The following MALRD1 variants were observed in gnomAD, a reference collection of about 807,000 sequenced individuals.
MALRD1 encodes the protein MAM and LDL receptor class A domain containing 1, also known as MAM and LDL-receptor class A domain-containing protein 1.
Under a neutral mutation model 242.1 loss-of-function variants are expected in MALRD1, and 247 were observed. That is an observed-to-expected ratio of 1.02 (90% CI 0.92 to 1.13). The LOEUF is 1.13. Ranked by LOEUF, MALRD1 falls within the 50% of genes most tolerant of loss-of-function variation. The pLI, the probability that MALRD1 is intolerant of heterozygous loss-of-function variation, is 0.00. For missense variants in MALRD1, 2,989 were observed against 2,533.1 expected, an observed-to-expected ratio of 1.18 and a Z score of -3.86; for synonymous variants, 995 against 866.6, an observed-to-expected ratio of 1.15 and a Z score of -2.60.
At chr10:19,651,239 A>C (rs998878254) in intron 36 of MALRD1, among the ~76,000 whole-genome samples, 1 of 152,336 alleles carries the variant, frequency 6.6e-6, no homozygotes, top group East Asian at 1.9e-4. Flanking sequence ...ACTGAAGATT[A>C]GTTAGTAAAA....
At chr10:19,339,694 C>T (rs953172127) in intron 24 of MALRD1, among the ~76,000 whole-genome samples, 4 of 152,110 alleles carry the variant, frequency 2.6e-5, no homozygotes, top group African/African-American at 9.7e-5. Context: ...CATTTAAAAA[C>T]CATTTCTTAT....
chr10:19,682,772 CAG>C lies in MALRD1; in HGVS notation c.6138-9507_6138-9506del. Among the ~76,000 whole-genome samples, 3 of 152,310 alleles carry C rather than the reference CAG, an allele frequency of 2.0e-5. 1 individual carries two copies. Among genetic ancestry groups the C allele is most frequent in the African/African-American group, 2.4e-5 (1 of 41,568 alleles). On this transcript the variant is annotated intron_variant, in intron 36 of 39. Transcript: ENST00000454679. Reference sequence around the variant, plus strand: ...TTACCTCAATTTCCCCTTCTGCTGACAGAGGCTCAGCATATGGCCCAGAAAAC... The same window carrying C: ...TTACCTCAATTTCCCCTTCTGCTGACAGGCTCAGCATATGGCCCAGAAAAC...
At chr10:19,143,007 C>T (rs1833604627) in intron 10 of MALRD1, among the ~76,000 whole-genome samples, 1 of 152,214 alleles carries the variant, frequency 6.6e-6, no homozygotes, top group South Asian at 2.1e-4. Flanking sequence ...AATCAATTCA[C>T]CAAGGTTCTT....
intron 18 of MALRD1, among the ~76,000 whole-genome samples, chr10:19,249,430 A>G (rs9665663): frequency 0.2 from 29,994 of 151,640 alleles, 3,392 homozygotes; most frequent in African/African-American, 0.31. Flanking sequence ...TTTGATAATT[A>G]TATGTCATGT....
chr10:19,595,801 A>G (rs1196951947), intron 34 of MALRD1, among the ~76,000 whole-genome samples: 1 of 152,166 alleles, frequency 6.6e-6, no homozygotes, highest in Non-Finnish European at 1.5e-5. Context: ...CCTACCATAA[A>G]GGTTCATGAA....
At chr10:19,173,859 G>A (rs1449019231) in intron 13 of MALRD1, among the ~76,000 whole-genome samples, 1 of 152,122 alleles carries the variant, frequency 6.6e-6, no homozygotes, top group African/African-American at 2.4e-5. Flanking sequence ...CATTTATGAT[G>A]TAGGGTAGTG....
rs550902539 is a variant in MALRD1 at position 19,584,730 on chromosome 10, G to T, written c.5681-10464G>T. On this transcript the variant is annotated intron_variant, in intron 33 of 39. Transcript: ENST00000454679. ...ATTTGGGGTGGAGAGTTCTGTAGAT[G>T]TCTATTAGGTCCACTTGGTGCAGAG... Among the ~76,000 whole-genome samples, 536 of 152,136 alleles carry T rather than the reference G, an allele frequency of 3.5e-3. 2 individuals are homozygous for T. The highest frequency in any genetic ancestry group is 5.5e-3 in the Non-Finnish European group (372 of 67,974).
At chr10:19,271,439 TG>T (rs1468606846) in intron 19 of MALRD1, among the ~76,000 whole-genome samples, 4 of 152,222 alleles carry the variant, frequency 2.6e-5, no homozygotes, top group Non-Finnish European at 5.9e-5. Context: ...ACCTCCCTGA[TG>T]TTTACTATAT....
intron 32 of MALRD1, among the ~76,000 whole-genome samples, chr10:19,557,619 A>G (rs1457792757): frequency 6.6e-6 from 1 of 151,954 alleles, no homozygotes; most frequent in Non-Finnish European, 1.5e-5. Flanking sequence ...TCTCTATTCT[A>G]TTCCATTATC....
intron 36 of MALRD1, among the ~76,000 whole-genome samples, chr10:19,676,752 G>T (rs1157374631): frequency 6.6e-6 from 1 of 152,132 alleles, no homozygotes; most frequent in Non-Finnish European, 1.5e-5. Context: ...ATAGTGGTTT[G>T]CTGCACCTAT....
intron 18 of MALRD1, among the ~76,000 whole-genome samples, chr10:19,230,715 C>T (rs915933093): frequency 6.6e-6 from 1 of 152,134 alleles, no homozygotes; most frequent in Non-Finnish European, 1.5e-5. Context: ...AGAGAGTTAG[C>T]TTCCCTCCTC....
chr10:19,259,991 C>T (rs1321697369), intron 19 of MALRD1, among the ~76,000 whole-genome samples: 1 of 152,130 alleles, frequency 6.6e-6, no homozygotes, highest in Non-Finnish European at 1.5e-5. Context: ...ATCTCCAATT[C>T]CTACAACAGT....
chr10:19,595,480 A>G (rs746432105), intron 34 of MALRD1, 23 bp downstream of exon 34: 16 of 1,541,372 alleles, frequency 1.0e-5, no homozygotes, highest in African/African-American at 1.4e-5. Flanking sequence ...CACTAACTCA[A>G]TGTGTAAGGG....
At chr10:19,167,096 A>G (rs1355571553) in intron 13 of MALRD1, among the ~76,000 whole-genome samples, 1 of 152,188 alleles carries the variant, frequency 6.6e-6, no homozygotes, top group Non-Finnish European at 1.5e-5. Flanking sequence ...GTGGTGGCTC[A>G]TGCCTGTAAT....
intron 29 of MALRD1, among the ~76,000 whole-genome samples, chr10:19,468,701 C>T (rs1836348096): frequency 6.6e-6 from 1 of 151,826 alleles, no homozygotes; most frequent in South Asian, 2.1e-4. Flanking sequence ...GGCCCTACAC[C>T]ACCAAAGCCT....
intron 18 of MALRD1, among the ~76,000 whole-genome samples, chr10:19,230,394 G>GA (rs1837998954): frequency 6.6e-6 from 1 of 152,046 alleles, no homozygotes. Flanking sequence ...TTCCAGGGGG[G>GA]GCCTCAGGAA....
At chr10:19,718,172 GGAA>G (rs963750603) in intron 38 of MALRD1, among the ~76,000 whole-genome samples, 4 of 150,532 alleles carry the variant, frequency 2.7e-5, no homozygotes, top group African/African-American at 9.8e-5. Flanking sequence ...AAGAGGAAGA[GGAA>G]GAAAGGAAAA....
chr10:19,201,316 C>T (rs72786536), intron 14 of MALRD1, among the ~76,000 whole-genome samples: 21,102 of 152,080 alleles, frequency 0.14, 1,550 homozygotes, highest in Middle Eastern at 0.21. Context: ...TGAATTTTAA[C>T]AGCATAATTA....
chr10:19,567,359 A>G (rs1836299755), intron 32 of MALRD1, 143 bp from the exon 33 acceptor site: 5 of 765,144 alleles, frequency 6.5e-6, no homozygotes, highest in Non-Finnish European at 1.0e-5. Context: ...TTTATAACCC[A>G]CAATTTCTAC....
Sources: allele counts gnomAD v4.1 joint callset (sites outside exome capture counted in the v4.1 genomes callset), GRCh38; gene constraint gnomAD v4.1.1; transcripts MANE v1.5; gene names NCBI Gene and HGNC (gene_info 2026-07-23, HGNC 2026-07-21).